SLC9A9: variants seen among roughly 807,000 people sequenced by gnomAD.
The protein encoded by SLC9A9 is solute carrier family 9 member A9.
Under a neutral mutation model 77.8 loss-of-function variants are expected in SLC9A9, and 62 were observed. The ratio of observed to expected loss-of-function variants is 0.80; its 90% CI spans 0.65 to 0.98. The LOEUF (loss-of-function observed/expected upper bound fraction) is 0.98, where lower values mean the gene tolerates loss of function less well. Ranked by LOEUF, SLC9A9 falls within the 50% of genes least tolerant of loss-of-function variation. The probability of loss-of-function intolerance (pLI) is 0.00; values close to 1 mark genes in which losing one functional copy is unlikely to be tolerated. For synonymous variants in SLC9A9, 320 were observed against 283.5 expected, an observed-to-expected ratio of 1.13 and a Z score of -1.29; for missense variants, 775 against 774.9, an observed-to-expected ratio of 1.00 and a Z score of 0.00.
At chr3:143,603,649 C>A (rs1411145967) in intron 6 of SLC9A9, among the ~76,000 whole-genome samples, 1 of 152,210 alleles carries the variant, frequency 6.6e-6, no homozygotes, top group Admixed American at 6.5e-5. Flanking sequence ...AGCTTGTCTG[C>A]AACCTCATGA....
intron 4 of SLC9A9, among the ~76,000 whole-genome samples, chr3:143,714,966 G>A (rs553906158): frequency 2.4e-4 from 37 of 152,110 alleles, no homozygotes; most frequent in African/African-American, 8.7e-4. Flanking sequence ...AATAAGTCTC[G>A]TGAGATTTGT....
intron 12 of SLC9A9, among the ~76,000 whole-genome samples, chr3:143,437,076 T>G (rs375504930): frequency 6.6e-6 from 1 of 152,204 alleles, no homozygotes; most frequent in East Asian, 1.9e-4. Flanking sequence ...TTCAACCTAT[T>G]TCCCCCACCA....
At chr3:143,671,407 TA>T in intron 5 of SLC9A9, among the ~76,000 whole-genome samples, 1 of 152,222 alleles carries the variant, frequency 6.6e-6, no homozygotes, top group East Asian at 1.9e-4. Context: ...TATATTTCAT[TA>T]ACTTGCCGTG....
At chr3:143,591,285 G>A (rs1168789375) in intron 6 of SLC9A9, among the ~76,000 whole-genome samples, 1 of 152,178 alleles carries the variant, frequency 6.6e-6, no homozygotes, top group East Asian at 1.9e-4. Flanking sequence ...TTCGGTTCAA[G>A]TTATCTTTGG....
At chr3:143,305,401 T>C (rs1452345526) in intron 14 of SLC9A9, among the ~76,000 whole-genome samples, 2 of 152,184 alleles carry the variant, frequency 1.3e-5, no homozygotes, top group African/African-American at 4.8e-5. Flanking sequence ...TACCGTTTCA[T>C]AGCTGAGGAA....
chr3:143,746,326 T>C (rs188752015), intron 4 of SLC9A9, among the ~76,000 whole-genome samples: 40 of 152,230 alleles, frequency 2.6e-4, no homozygotes, highest in Admixed American at 2.1e-3. Context: ...TAGTGTCCCC[T>C]GAGTGTCAGA....
At position 143,396,157 on chromosome 3, in the gene SLC9A9, T is replaced by C. The variant is rs564215515; in HGVS notation, c.1470-14043A>G. ...ATAAAGACACATGCACACGTATGTT[T>C]ATTGCAGCACTATTCACAATAGGAA... On this transcript the variant is annotated intron_variant, in intron 12 of 15. Transcript: ENST00000316549. 7.9e-5 allele frequency among the ~76,000 whole-genome samples: 12 copies of C among 152,340 alleles called. No individual in the cohort carries two copies. The South Asian group carries it at 2.3e-3, about 29-fold the overall frequency.
At chr3:143,611,558 T>A (rs1286069590) in intron 6 of SLC9A9, among the ~76,000 whole-genome samples, 1 of 152,062 alleles carries the variant, frequency 6.6e-6, no homozygotes, top group Non-Finnish European at 1.5e-5. Flanking sequence ...GTGATAAAAA[T>A]CATACAGCAG....
intron 12 of SLC9A9, among the ~76,000 whole-genome samples, chr3:143,446,467 T>C (rs1054721628): frequency 4.0e-5 from 6 of 151,888 alleles, no homozygotes; most frequent in Admixed American, 6.6e-5. Flanking sequence ...GGAAGGTAAA[T>C]GGGTTAGGGC....
At chr3:143,786,372 C>G (rs894321462) in intron 4 of SLC9A9, among the ~76,000 whole-genome samples, 7 of 152,288 alleles carry the variant, frequency 4.6e-5, no homozygotes, top group African/African-American at 1.4e-4. Context: ...TATTTGTTCC[C>G]CTTTTTTATT....
intron 4 of SLC9A9, among the ~76,000 whole-genome samples, chr3:143,718,463 G>A (rs1461772867): frequency 6.6e-6 from 1 of 152,316 alleles, no homozygotes; most frequent in East Asian, 1.9e-4. Context: ...ACAGAATGAA[G>A]AGGTTTGAAT....
chr3:143,736,186 T>C (rs532449430), intron 4 of SLC9A9, among the ~76,000 whole-genome samples: 1 of 152,322 alleles, frequency 6.6e-6, no homozygotes, highest in South Asian at 2.1e-4. Flanking sequence ...CCTAACTCTC[T>C]ACCTCCTCCT....
At chr3:143,710,613 C>A (rs1021905913) in intron 4 of SLC9A9, among the ~76,000 whole-genome samples, 3 of 152,184 alleles carry the variant, frequency 2.0e-5, no homozygotes, top group Admixed American at 6.5e-5. Flanking sequence ...AAGATCCAAC[C>A]AGGTTAATGG....
intron 12 of SLC9A9, among the ~76,000 whole-genome samples, chr3:143,399,643 G>C (rs530105337): frequency 6.6e-6 from 1 of 152,122 alleles, no homozygotes; most frequent in Non-Finnish European, 1.5e-5. Flanking sequence ...AACAGAATTA[G>C]CATCAATTTG....
chr3:143,325,814 G>T (rs1031923254), intron 14 of SLC9A9, among the ~76,000 whole-genome samples: 1 of 152,158 alleles, frequency 6.6e-6, no homozygotes, highest in African/African-American at 2.4e-5. Context: ...TGCAGACCTG[G>T]TCTCTGCCTC....
chr3:143,284,052 T>A (rs1040202547), intron 14 of SLC9A9, among the ~76,000 whole-genome samples: 1 of 151,852 alleles, frequency 6.6e-6, no homozygotes, highest in African/African-American at 2.4e-5. Context: ...TTTTTTTTTT[T>A]AATTTGGTAA....
At chr3:143,509,774 A>G (rs1289424623) in intron 9 of SLC9A9, among the ~76,000 whole-genome samples, 3 of 152,196 alleles carry the variant, frequency 2.0e-5, no homozygotes, top group Non-Finnish European at 2.9e-5. Flanking sequence ...AAATTAGTTT[A>G]TCTGCAAAAA....
chr3:143,766,395 A>C (rs2007319288), intron 4 of SLC9A9, among the ~76,000 whole-genome samples: 1 of 152,220 alleles, frequency 6.6e-6, no homozygotes. Flanking sequence ...TACTTAGCTA[A>C]TATGTATGAA....
At chr3:143,493,551 AAGT>A in intron 11 of SLC9A9, 99 bp downstream of exon 11, 1 of 970,840 alleles carries the variant, frequency 1.0e-6, no homozygotes, top group Non-Finnish European at 1.6e-6. Context: ...GGATAAAGAG[AAGT>A]TGTTTCCCCA....
Sources: allele counts gnomAD v4.1 joint callset (sites outside exome capture counted in the v4.1 genomes callset), GRCh38; gene constraint gnomAD v4.1.1; transcripts MANE v1.5; gene names NCBI Gene and HGNC (gene_info 2026-07-23, HGNC 2026-07-21).